Variants in ZNF676 observed in about 807,000 individuals in gnomAD.
ZNF676 encodes zinc finger protein 676.
ZNF676 carries 4 observed loss-of-function variants against 6.0 expected under a neutral mutation model. The observed-to-expected ratio is 0.67, with a 90% CI of 0.33 to 1.53. The LOEUF (loss-of-function observed/expected upper bound fraction) is 1.53. Ranked by LOEUF, ZNF676 falls within the 40% of genes most tolerant of loss-of-function variation. The pLI is 0.06. For synonymous variants in ZNF676, 198 were observed against 223.1 expected, an observed-to-expected ratio of 0.89 and a Z score of 1.00; for missense variants, 644 against 679.7, an observed-to-expected ratio of 0.95 and a Z score of 0.58.
chr19:22,257,702 G>C, the ZNF676 span, among the ~76,000 whole-genome samples: 1 of 151,126 alleles, frequency 6.6e-6, no homozygotes, highest in Non-Finnish European at 1.5e-5. Context: ...GTTTCTTATT[G>C]GGCAGAGCAC....
At chr19:22,184,688 G>T (rs1206434211) in intron 2 of ZNF676, among the ~76,000 whole-genome samples, 1 of 151,924 alleles carries the variant, frequency 6.6e-6, no homozygotes, top group African/African-American at 2.4e-5. Context: ...TGGGGGAAGG[G>T]CGTCTGCCAT....
chr19:22,190,659 A>ATATATATATATATATATC (rs2023895162), intron 2 of ZNF676, among the ~76,000 whole-genome samples: 4 of 123,892 alleles, frequency 3.2e-5, no homozygotes, highest in Non-Finnish European at 6.1e-5. Flanking sequence ...ATATATATAT[A>ATATATATATATATATATC]TATATACATA....
At chr19:22,209,557 T>C (rs1249396032) in intron 1 of ZNF676, among the ~76,000 whole-genome samples, 1 of 152,158 alleles carries the variant, frequency 6.6e-6, no homozygotes, top group African/African-American at 2.4e-5. Context: ...TGATTAGTAC[T>C]GCAGTGACAA....
upstream of ZNF676, among the ~76,000 whole-genome samples, chr19:22,218,175 A>G (rs1442255483): frequency 1.3e-5 from 2 of 151,472 alleles, no homozygotes; most frequent in Admixed American, 6.6e-5. Context: ...TTTTTGTTGC[A>G]TTTGCTTTGA....
chr19:22,182,585 T>TAAAAAAAAAAAAAAAAAAAAAA (rs67699215), intron 2 of ZNF676, among the ~76,000 whole-genome samples: 3 of 45,040 alleles, frequency 6.7e-5, no homozygotes, highest in Admixed American at 2.9e-4. Context: ...GTCAAAGTTC[T>TAAAAAAAAAAAAAAAAAAAAAA]AAAAAAAAAA....
chr19:22,216,037 T>C (rs1307426650), upstream of ZNF676, among the ~76,000 whole-genome samples: 3 of 152,262 alleles, frequency 2.0e-5, no homozygotes, highest in African/African-American at 4.8e-5. Flanking sequence ...TCTCTCTTTT[T>C]AAATGTATTT....
upstream of ZNF676, among the ~76,000 whole-genome samples, chr19:22,200,196 T>C (rs1434325738): frequency 2.8e-4 from 43 of 152,036 alleles, no homozygotes; most frequent in Admixed American, 2.8e-3. Context: ...GCCACTGCCC[T>C]GTAAATTTTA....
chr19:22,253,709 G>A, the ZNF676 span, among the ~76,000 whole-genome samples: 451 of 151,854 alleles, frequency 3.0e-3, no homozygotes, highest in African/African-American at 9.7e-3. Context: ...CACATATGAC[G>A]GTCACAATCC....
At chr19:22,234,186 C>A in the ZNF676 span, among the ~76,000 whole-genome samples, 27 of 152,332 alleles carry the variant, frequency 1.8e-4, no homozygotes, top group East Asian at 4.8e-3. Flanking sequence ...AACTGTAGCG[C>A]CACAGCTGGG....
At chr19:22,219,011 A>T (rs1412290019), upstream of ZNF676, among the ~76,000 whole-genome samples, 375 of 123,088 alleles carry the variant, frequency 3.0e-3, 1 homozygote, top group African/African-American at 9.8e-3. Context: ...AAATTTTAGG[A>T]TTTTTTTTTT....
upstream of ZNF676, among the ~76,000 whole-genome samples, chr19:22,201,638 G>T (rs960259379): frequency 6.8e-6 from 1 of 147,770 alleles, no homozygotes; most frequent in African/African-American, 2.5e-5. Context: ...GTTTATTTGG[G>T]TCAAGCTTAA....
At chr19:22,236,854 T>C in the ZNF676 span, among the ~76,000 whole-genome samples, 3 of 152,336 alleles carry the variant, frequency 2.0e-5, no homozygotes, top group Admixed American at 2.0e-4. Flanking sequence ...CTGATTGCCG[T>C]TTAGCCTCTG....
At chr19:22,253,493 TATG>T in the ZNF676 span, among the ~76,000 whole-genome samples, 1 of 146,626 alleles carries the variant, frequency 6.8e-6, no homozygotes, top group South Asian at 2.2e-4. Context: ...TGCATATATA[TATG>T]ATAATGTGTA....
chr19:22,234,936 A>C, the ZNF676 span, among the ~76,000 whole-genome samples: 1 of 150,534 alleles, frequency 6.6e-6, no homozygotes, highest in Non-Finnish European at 1.5e-5. Flanking sequence ...TCCATCCAAA[A>C]AGAAGGAAAG....
upstream of ZNF676, among the ~76,000 whole-genome samples, chr19:22,198,113 C>G (rs2023988930): frequency 6.6e-6 from 1 of 152,074 alleles, no homozygotes; most frequent in South Asian, 2.1e-4. Context: ...TAATCTTGTA[C>G]TGCATAGACA....
chr19:22,188,511 G>A (rs1479164875), intron 2 of ZNF676, among the ~76,000 whole-genome samples: 4 of 152,032 alleles, frequency 2.6e-5, no homozygotes, highest in Admixed American at 2.0e-4. Context: ...TTCTGGTGAG[G>A]GCAATCAGGC....
At chr19:22,256,037 C>T in the ZNF676 span, among the ~76,000 whole-genome samples, 2 of 152,150 alleles carry the variant, frequency 1.3e-5, no homozygotes, top group Non-Finnish European at 2.9e-5. Flanking sequence ...AAGTCAATCT[C>T]ATCTGTGTGC....
At chr19:22,252,132 C>T in the ZNF676 span, among the ~76,000 whole-genome samples, 7 of 152,074 alleles carry the variant, frequency 4.6e-5, no homozygotes, top group African/African-American at 1.2e-4. Context: ...TGGTGGTTCA[C>T]GCCTGTAATC....
intron 1 of ZNF676, among the ~76,000 whole-genome samples, chr19:22,215,267 A>G (rs1225224773): frequency 6.6e-6 from 1 of 152,144 alleles, no homozygotes; most frequent in Non-Finnish European, 1.5e-5. Flanking sequence ...TAATGGGAGA[A>G]TACAGGAACT....
Sources: gnomAD v4.1 joint callset for allele counts (sites outside exome capture counted in the v4.1 genomes callset) on GRCh38, gnomAD v4.1.1 for gene constraint, MANE v1.5 for transcripts, NCBI Gene and HGNC (gene_info 2026-07-23, HGNC 2026-07-21) for gene names.